CDC42SE2: variants seen among roughly 807,000 people sequenced by gnomAD.
CDC42SE2 encodes CDC42 small effector protein 2.
In CDC42SE2, 3 loss-of-function variants were observed where a neutral mutation model predicts 11.5. The ratio of observed to expected loss-of-function variants is 0.26; its 90% CI spans 0.12 to 0.67. The LOEUF is 0.67. Among genes scored for constraint, CDC42SE2 ranks in the 30% least tolerant of loss-of-function variants. The pLI, the probability that CDC42SE2 is intolerant of heterozygous loss-of-function variation, is 0.80. For missense variants in CDC42SE2, 82 were observed against 106.8 expected (o/e 0.77, Z 1.02); for synonymous variants, 33 against 34.8 (o/e 0.95, Z 0.18).
At chr5:131,269,978 T>C (rs1224829788) in intron 1 of CDC42SE2, among the ~76,000 whole-genome samples, 1 of 151,158 alleles carries the variant, frequency 6.6e-6, no homozygotes, top group Non-Finnish European at 1.5e-5. Flanking sequence ...GGAGAATTAC[T>C]TGAACCCAGG....
chr5:131,372,470 T>C lies in CDC42SE2; in HGVS notation c.54+12923T>C, dbSNP rs531068745. On this transcript the variant is annotated intron_variant, in intron 3 of 4. Coordinates refer to ENST00000505065, the MANE Select transcript of CDC42SE2 (RefSeq NM_001375635.1). ...GGCTCACGCCTGTAATCCCAGCACTTTGGGAGGCTGAGGTGGGTGGATCAC... is the reference window on the plus strand; with the variant it reads ...GGCTCACGCCTGTAATCCCAGCACTCTGGGAGGCTGAGGTGGGTGGATCAC... 2.0e-4 allele frequency among the ~76,000 whole-genome samples: 30 copies of C among 151,956 alleles called. No homozygotes were observed. In the Middle Eastern group the frequency reaches 0.01, roughly 52 times the overall value.
intron 1 of CDC42SE2, among the ~76,000 whole-genome samples, chr5:131,280,101 A>T (rs1025171449): frequency 1.3e-5 from 2 of 152,098 alleles, no homozygotes; most frequent in South Asian, 4.1e-4. Flanking sequence ...TCGGGAGTTT[A>T]TTGGCATTTT....
intron 1 of CDC42SE2, among the ~76,000 whole-genome samples, chr5:131,249,014 C>CTTTTTT (rs35929101): frequency 3.4e-5 from 4 of 116,088 alleles, no homozygotes; most frequent in Non-Finnish European, 3.4e-5. Context: ...CAGGTTACAT[C>CTTTTTT]TTTTTTTTTT....
At chr5:131,389,614 G>A (rs997599253) in intron 4 of CDC42SE2, among the ~76,000 whole-genome samples, 1 of 152,178 alleles carries the variant, frequency 6.6e-6, no homozygotes, top group Non-Finnish European at 1.5e-5. Context: ...CAAAAAATGA[G>A]TTAGACAAGT....
the CDC42SE2 span, among the ~76,000 whole-genome samples, chr5:131,235,292 AT>A: frequency 0.32 from 44,992 of 138,656 alleles, 9,493 homozygotes; most frequent in African/African-American, 0.64. Context: ...ACATCCAGAC[AT>A]TTTTTTTTTT....
intron 2 of CDC42SE2, among the ~76,000 whole-genome samples, chr5:131,333,709 A>C (rs1459078895): frequency 6.6e-6 from 1 of 151,936 alleles, no homozygotes; most frequent in South Asian, 2.1e-4. Context: ...ATTCCTAGGT[A>C]TTTTATTCTC....
intron 1 of CDC42SE2, among the ~76,000 whole-genome samples, chr5:131,309,093 A>G (rs1377099530): frequency 6.6e-6 from 1 of 152,088 alleles, no homozygotes; most frequent in East Asian, 1.9e-4. Context: ...TGTCATAGAT[A>G]GCTCTTATTC....
At chr5:131,305,809 T>TA (rs1335787149) in intron 1 of CDC42SE2, among the ~76,000 whole-genome samples, 1 of 152,196 alleles carries the variant, frequency 6.6e-6, no homozygotes, top group Non-Finnish European at 1.5e-5. Flanking sequence ...GGGTTATATC[T>TA]AAAAAAACTA....
At chr5:131,388,053 A>G (rs534637994) in intron 4 of CDC42SE2, among the ~76,000 whole-genome samples, 2 of 152,146 alleles carry the variant, frequency 1.3e-5, no homozygotes, top group South Asian at 4.1e-4. Flanking sequence ...GCTGGAGTGC[A>G]GTGGTGCAAT....
At chr5:131,299,637 C>T (rs935662659) in intron 1 of CDC42SE2, among the ~76,000 whole-genome samples, 1 of 152,270 alleles carries the variant, frequency 6.6e-6, no homozygotes, top group African/African-American at 2.4e-5. Context: ...GCACTACATG[C>T]AGCTGGGTGT....
intron 2 of CDC42SE2, among the ~76,000 whole-genome samples, chr5:131,256,482 G>A (rs1385144179): frequency 6.6e-6 from 1 of 152,200 alleles, no homozygotes; most frequent in Non-Finnish European, 1.5e-5. Flanking sequence ...CCATTTATTA[G>A]TTCATACTCT....
chr5:131,327,822 A>G (rs1300082232), intron 2 of CDC42SE2, among the ~76,000 whole-genome samples: 6 of 152,196 alleles, frequency 3.9e-5, no homozygotes, highest in Non-Finnish European at 8.8e-5. Context: ...ATGTTACATA[A>G]TATGTGATAT....
At chr5:131,388,583 C>T (rs1214649475) in intron 4 of CDC42SE2, among the ~76,000 whole-genome samples, 1 of 152,112 alleles carries the variant, frequency 6.6e-6, no homozygotes. Context: ...AGACTCTTTT[C>T]TACTACCCTC....
At chr5:131,364,149 A>T (rs1016462835) in intron 3 of CDC42SE2, among the ~76,000 whole-genome samples, 1 of 152,238 alleles carries the variant, frequency 6.6e-6, no homozygotes, top group East Asian at 1.9e-4. Context: ...AGTGGAGGAC[A>T]TATTTACTGT....
chr5:131,292,930 A>C (rs1242146556), intron 1 of CDC42SE2, among the ~76,000 whole-genome samples: 22 of 143,692 alleles, frequency 1.5e-4, no homozygotes, highest in Non-Finnish European at 2.8e-4. Flanking sequence ...AAAAAAAAAA[A>C]AAAACAGAAA....
Position 131,359,265 on chromosome 5 carries a change from C to G in CDC42SE2, c.-229C>G. ...CAATTTTTATACCTTCGTCGTGGTT[C>G]AGAAAGGAGTCTCTGTAGAACCAGA... On this transcript the variant is annotated 5_prime_UTR_variant, in exon 3 of 5. Coordinates refer to ENST00000505065, the MANE Select transcript of CDC42SE2 (RefSeq NM_001375635.1). 1.8e-6 allele frequency: 1 copy of G among 562,984 alleles called. No individual in the cohort carries two copies. The highest frequency in any genetic ancestry group is 2.2e-5 in the South Asian group (1 of 44,694). The allele number at this position is 562,984 out of a possible 1,614,324, so 34.9% of individuals were successfully genotyped here. A position where few individuals can be genotyped will look rare whatever the true frequency, so the allele number is the denominator to read the frequency against.
chr5:131,284,141 T>C (rs574400012), intron 1 of CDC42SE2, among the ~76,000 whole-genome samples: 1 of 152,330 alleles, frequency 6.6e-6, no homozygotes, highest in African/African-American at 2.4e-5. Flanking sequence ...GCATAATATG[T>C]TCAAGGTTTA....
chr5:131,355,273 T>C (rs1240534725), intron 2 of CDC42SE2, among the ~76,000 whole-genome samples: 1 of 152,124 alleles, frequency 6.6e-6, no homozygotes, highest in Non-Finnish European at 1.5e-5. Flanking sequence ...CTAAGAAAAC[T>C]GAGGGTAAGC....
At chr5:131,254,975 GAAC>G (rs1401417673) in intron 1 of CDC42SE2, 2 of 151,946 alleles carry the variant, frequency 1.3e-5, no homozygotes, top group Non-Finnish European at 2.9e-5. Flanking sequence ...TTATAACCAA[GAAC>G]TGATGGGTAA....
Sources: allele counts gnomAD v4.1 joint callset (sites outside exome capture counted in the v4.1 genomes callset), GRCh38; gene constraint gnomAD v4.1.1; transcripts MANE v1.5; gene names NCBI Gene and HGNC (gene_info 2026-07-23, HGNC 2026-07-21).